The following RGS5 variants were observed in gnomAD, a reference collection of about 807,000 sequenced individuals.
The protein encoded by RGS5 is regulator of G protein signaling 5.
Under a neutral mutation model 18.9 loss-of-function variants are expected in RGS5, and 20 were observed. The observed-to-expected ratio is 1.06, with a 90% CI of 0.74 to 1.54. The LOEUF is 1.54. Ranked by LOEUF, RGS5 falls within the 40% of genes most tolerant of loss-of-function variation. RGS5 has a pLI of 0.00. For missense variants in RGS5, 201 were observed against 211.8 expected (o/e 0.95, Z 0.32); for synonymous variants, 57 against 76.2 (o/e 0.75, Z 1.31).
intron 2 of RGS5, among the ~76,000 whole-genome samples, chr1:163,283,463 T>C (rs1189816474): frequency 2.0e-5 from 3 of 152,196 alleles, no homozygotes; most frequent in Non-Finnish European, 4.4e-5. Context: ...TCTTTACTTA[T>C]GATTATGATA....
intron 2 of RGS5, among the ~76,000 whole-genome samples, chr1:163,270,672 T>A (rs1648697214): frequency 6.6e-6 from 1 of 152,124 alleles, no homozygotes; most frequent in East Asian, 1.9e-4. Flanking sequence ...CCTACAAAAG[T>A]ATTTTTTTAA....
At chr1:163,310,800 TAAAG>T (rs1649836090) in intron 1 of RGS5, among the ~76,000 whole-genome samples, 1 of 152,120 alleles carries the variant, frequency 6.6e-6, no homozygotes, top group Non-Finnish European at 1.5e-5. Flanking sequence ...GGGTAATTTA[TAAAG>T]AAAGAGGTTT....
intron 3 of RGS5, among the ~76,000 whole-genome samples, chr1:163,154,293 A>C (rs149854853): frequency 6.6e-6 from 1 of 152,240 alleles, no homozygotes; most frequent in African/African-American, 2.4e-5. Context: ...ATAGTTATCC[A>C]TTTTCAATTT....
intron 4 of RGS5, among the ~76,000 whole-genome samples, chr1:163,149,317 G>A (rs1657282078): frequency 1.3e-5 from 2 of 152,164 alleles, no homozygotes; most frequent in South Asian, 2.1e-4. Context: ...TATTCTTCCC[G>A]CCACACTGAA....
chr1:163,270,690 GT>G (rs1272104470), intron 2 of RGS5, among the ~76,000 whole-genome samples: 1 of 151,974 alleles, frequency 6.6e-6, no homozygotes, highest in Admixed American at 6.6e-5. Context: ...TAATTCTAAA[GT>G]TTTCATTATT....
At chr1:163,253,105 C>T (rs1056037574) in intron 2 of RGS5, among the ~76,000 whole-genome samples, 1 of 152,110 alleles carries the variant, frequency 6.6e-6, no homozygotes, top group Non-Finnish European at 1.5e-5. Context: ...CTAGGATGAA[C>T]AAATTTTTTG....
At chr1:163,170,279 A>C (rs995245873) in intron 1 of RGS5, among the ~76,000 whole-genome samples, 5 of 152,226 alleles carry the variant, frequency 3.3e-5, no homozygotes, top group Admixed American at 3.3e-4. Context: ...ATTTAGTCTT[A>C]AATACTTTTT....
chr1:163,267,456 G>C (rs887218647), intron 2 of RGS5: 1 of 152,090 alleles, frequency 6.6e-6, no homozygotes, highest in African/African-American at 2.4e-5. Context: ...AGCTTCTTTG[G>C]TAATTTTAAC....
intron 1 of RGS5, among the ~76,000 whole-genome samples, chr1:163,216,619 G>A (rs964062690): frequency 1.3e-5 from 2 of 152,080 alleles, no homozygotes; most frequent in Admixed American, 6.6e-5. Context: ...TTCGTAGGTC[G>A]TCATTTGCAA....
At chr1:163,244,500 A>C (rs1647878118) in intron 2 of RGS5, 1 of 152,238 alleles carries the variant, frequency 6.6e-6, no homozygotes, top group African/African-American at 2.4e-5. Flanking sequence ...AACAAGCTAC[A>C]AGGATTACAA....
intron 2 of RGS5, among the ~76,000 whole-genome samples, chr1:163,229,012 T>C (rs1310170664): frequency 6.6e-6 from 1 of 152,194 alleles, no homozygotes; most frequent in Non-Finnish European, 1.5e-5. Context: ...CTTCCTGTCT[T>C]CTTCTGAGTC....
chr1:163,217,510 T>A, intron 1 of RGS5: 1 of 1,519,254 alleles, frequency 6.6e-7, no homozygotes, highest in Middle Eastern at 1.7e-4. Context: ...TATTTAAGAC[T>A]AATATTTGTA....
chr1:163,159,041 A>G (rs1183114452), intron 3 of RGS5, among the ~76,000 whole-genome samples: 1 of 152,196 alleles, frequency 6.6e-6, no homozygotes, highest in Admixed American at 6.5e-5. Flanking sequence ...TTTGCTTTTG[A>G]AAGAAGAGAA....
intron 1 of RGS5, among the ~76,000 whole-genome samples, chr1:163,190,753 C>G (rs894065027): frequency 2.0e-5 from 3 of 152,206 alleles, no homozygotes; most frequent in Admixed American, 6.5e-5. Flanking sequence ...GTTTTCCTAG[C>G]AATGACGGAA....
At chr1:163,229,458 G>A (rs1227222143) in intron 2 of RGS5, among the ~76,000 whole-genome samples, 1 of 152,130 alleles carries the variant, frequency 6.6e-6, no homozygotes, top group Non-Finnish European at 1.5e-5. Flanking sequence ...GATGTGGGTG[G>A]GGACACAGAG....
rs115251895 is a variant in RGS5, at chr1:163,305,500, C to G, written c.-281+733G>C. On this transcript the variant is annotated intron_variant, in intron 2 of 5. Transcript: ENST00000618415. ...ATCTTTTCACACAGAGCTTCAGAAA[C>G]TATTGGTCCTCTTTCAAGTAGTCAT... Among the ~76,000 whole-genome samples the G allele has an allele frequency of 5.4e-3, 827 of 152,312 alleles. 8 individuals are homozygous for G. The highest frequency in any genetic ancestry group is 0.019 in the African/African-American group (792 of 41,558).
chr1:163,241,426 TTG>T (rs1207695530), intron 2 of RGS5, among the ~76,000 whole-genome samples: 1 of 152,176 alleles, frequency 6.6e-6, no homozygotes, highest in East Asian at 1.9e-4. Flanking sequence ...TAGTTGCATT[TTG>T]TCTCTCTCTA....
chr1:163,305,607 C>G (rs192414873), intron 2 of RGS5, among the ~76,000 whole-genome samples: 1 of 152,176 alleles, frequency 6.6e-6, no homozygotes, highest in Admixed American at 6.5e-5. Flanking sequence ...TAAGTACTTT[C>G]CCCCATGTTT....
At chr1:163,180,681 A>G (rs1421652361) in intron 1 of RGS5, among the ~76,000 whole-genome samples, 3 of 68,828 alleles carry the variant, frequency 4.4e-5, no homozygotes, top group African/African-American at 1.8e-4. Flanking sequence ...TAAAGCCCTT[A>G]CCCTGTTTTT....
Sources: gnomAD v4.1 joint callset for allele counts (sites outside exome capture counted in the v4.1 genomes callset) on GRCh38, gnomAD v4.1.1 for gene constraint, MANE v1.5 for transcripts, NCBI Gene and HGNC (gene_info 2026-07-23, HGNC 2026-07-21) for gene names.